The following NDUFAF6 variants were observed in gnomAD, a reference collection of about 807,000 sequenced individuals.
NDUFAF6 encodes the protein NADH dehydrogenase (ubiquinone) complex I, assembly factor 6.
In NDUFAF6, 45 loss-of-function variants were observed where a neutral mutation model predicts 40.8. The ratio of observed to expected loss-of-function variants is 1.10; its 90% CI spans 0.87 to 1.42. The LOEUF (loss-of-function observed/expected upper bound fraction) is 1.42, where lower values mean the gene tolerates loss of function less well. NDUFAF6 is among the 40% of genes most tolerant of loss of function. The probability of loss-of-function intolerance (pLI) is 0.00; values close to 1 mark genes in which losing one functional copy is unlikely to be tolerated. For synonymous variants in NDUFAF6, 185 were observed against 155.9 expected (o/e 1.19, Z -1.39); for missense variants, 435 against 418.5 (o/e 1.04, Z -0.34).
intron 2 of NDUFAF6, chr8:94,950,674 C>T (rs1352837428): frequency 6.6e-6 from 1 of 152,190 alleles, no homozygotes; most frequent in African/African-American, 2.4e-5. Context: ...CAGACTTGAA[C>T]ATGCTTTGGA....
chr8:94,910,587 C>T (rs1563701687), intron 1 of NDUFAF6, among the ~76,000 whole-genome samples: 1 of 151,472 alleles, frequency 6.6e-6, no homozygotes, highest in Non-Finnish European at 1.5e-5. Flanking sequence ...AGAATCTTGC[C>T]TTCTGTCCAG....
intron 1 of NDUFAF6, among the ~76,000 whole-genome samples, chr8:94,917,110 CAAAAA>C (rs35834003): frequency 1.1e-5 from 1 of 89,572 alleles, no homozygotes; most frequent in African/African-American, 4.3e-5. Flanking sequence ...GACTCCATCT[CAAAAA>C]AAAAAAAAAA....
intron 2 of NDUFAF6, among the ~76,000 whole-genome samples, chr8:95,084,453 CT>C (rs1193716324): frequency 6.6e-6 from 1 of 152,076 alleles, no homozygotes; most frequent in Non-Finnish European, 1.5e-5. Context: ...AAACTTAGTG[CT>C]TTGTTTAAGT....
chr8:95,012,774 T>A (rs1243309359), intron 2 of NDUFAF6, among the ~76,000 whole-genome samples: 1 of 152,100 alleles, frequency 6.6e-6, no homozygotes, highest in Non-Finnish European at 1.5e-5. Flanking sequence ...CAATAAGTTA[T>A]GATCGCGCCA....
intron 1 of NDUFAF6, among the ~76,000 whole-genome samples, chr8:95,027,542 T>C (rs1828302094): frequency 1.4e-5 from 2 of 146,400 alleles, no homozygotes; most frequent in African/African-American, 5.1e-5. Context: ...ATCTTGCCAC[T>C]GCACTCCAGC....
At chr8:94,944,037 G>A (rs1236235621) in intron 1 of NDUFAF6, among the ~76,000 whole-genome samples, 1 of 152,214 alleles carries the variant, frequency 6.6e-6, no homozygotes, top group Non-Finnish European at 1.5e-5. Flanking sequence ...GAGGATACAT[G>A]CTTAGAGGGA....
chr8:95,059,814 A>G (rs372903070), downstream of NDUFAF6, among the ~76,000 whole-genome samples: 7 of 152,262 alleles, frequency 4.6e-5, no homozygotes, highest in East Asian at 1.4e-3. Flanking sequence ...GTGCCACTGC[A>G]CTCAAGCCTG....
chr8:95,001,930 G>A (rs1238975113), intron 2 of NDUFAF6, among the ~76,000 whole-genome samples: 1 of 152,188 alleles, frequency 6.6e-6, no homozygotes, highest in African/African-American at 2.4e-5. Context: ...AAGCTTCATG[G>A]AACATTCTTT....
At position 95,034,910 on chromosome 8, in the gene NDUFAF6, G is replaced by A. The variant is rs565428220; in HGVS notation, c.298-544G>A. 6.7e-5 allele frequency among the ~76,000 whole-genome samples: 10 copies of A among 150,114 alleles called. No homozygotes were observed. The South Asian group carries it at 1.9e-3, about 28-fold the overall frequency. ...TTTTTTTTTTTTTAGATGGAGTTTC[G>A]CTCTTGTCGCCCAGGCTAGAGTGTG... On this transcript the variant is annotated intron_variant, in intron 2 of 8. Transcript: ENST00000396124.
At chr8:94,975,981 C>T (rs6983948) in intron 1 of NDUFAF6, 69,970 of 147,538 alleles carry the variant, frequency 0.47, 15,638 homozygotes, top group East Asian at 0.66. Flanking sequence ...GAGGCAGAGG[C>T]AGGTGGATCA....
upstream of NDUFAF6, among the ~76,000 whole-genome samples, chr8:95,024,446 CT>C (rs1197397887): frequency 6.6e-6 from 1 of 152,212 alleles, no homozygotes; most frequent in Non-Finnish European, 1.5e-5. Flanking sequence ...GATGTGTGTG[CT>C]TTTCTGCTGG....
intron 1 of NDUFAF6, among the ~76,000 whole-genome samples, chr8:94,980,497 G>A (rs1338814910): frequency 1.4e-5 from 2 of 143,304 alleles, no homozygotes; most frequent in Non-Finnish European, 1.5e-5. Context: ...GAACTGGAGT[G>A]CAGTGGTGTG....
At chr8:94,985,618 C>T (rs1825841103) in intron 2 of NDUFAF6, among the ~76,000 whole-genome samples, 1 of 139,242 alleles carries the variant, frequency 7.2e-6, no homozygotes. Context: ...TCACTGCAAC[C>T]TCCGCCTCCC....
Position 95,014,996 on chromosome 8 carries a change from C to T in NDUFAF6, c.-83-16999C>T, listed in dbSNP as rs1229130798. Among the ~76,000 whole-genome samples the T allele has an allele frequency of 2.0e-5, 3 of 152,314 alleles. No homozygotes were observed. In the East Asian group the frequency reaches 5.8e-4, roughly 29 times the overall value. ...GGCTTCCTCAGGTCATGTGTCAACA[C>T]CTGCAGTAATCAATGATAATTTCTA... On this transcript the variant is annotated intron_variant, in intron 2 of 9. Transcript: ENST00000396111.
At chr8:94,964,300 A>T (rs1387408077) in intron 1 of NDUFAF6, among the ~76,000 whole-genome samples, 1 of 151,988 alleles carries the variant, frequency 6.6e-6, no homozygotes, top group Non-Finnish European at 1.5e-5. Flanking sequence ...ATGATGGCAC[A>T]TGCCTGTAGT....
At chr8:95,070,354 A>G (rs993127469) in intron 9 of NDUFAF6, among the ~76,000 whole-genome samples, 17 of 152,212 alleles carry the variant, frequency 1.1e-4, no homozygotes, top group Admixed American at 3.9e-4. Flanking sequence ...CTAAGTGTAC[A>G]TATGTGTTTG....
intron 1 of NDUFAF6, among the ~76,000 whole-genome samples, chr8:94,972,055 T>C (rs916767667): frequency 6.6e-5 from 10 of 152,232 alleles, no homozygotes; most frequent in African/African-American, 2.2e-4. Flanking sequence ...CCATCTTGCT[T>C]CCTTTACCTA....
intron 1 of NDUFAF6, among the ~76,000 whole-genome samples, chr8:94,943,273 G>C (rs1225219651): frequency 6.6e-6 from 1 of 152,164 alleles, no homozygotes; most frequent in African/African-American, 2.4e-5. Flanking sequence ...AGGAATGCTT[G>C]AGCCTAGGAG....
rs1199747977 is a variant in NDUFAF6, at chr8:95,088,715, GTGTGTGTGTGTGTTTTCTTTT to G, written n.214-12413_214-12393del. On this transcript the variant is annotated intron_variant and non_coding_transcript_variant, in intron 2 of 5. Coordinates refer to the NDUFAF6 transcript ENST00000523184. ...TGTGTGTGTGTGTGTGTGTGTGTGT[GTGTGTGTGTGTGTTTTCTTTT>G]TGTTTTCTTGTTTTTATTTTATTTT... Among the ~76,000 whole-genome samples the G allele has an allele frequency of 8.7e-4, 88 of 101,214 alleles. 1 individual carries two copies. Among genetic ancestry groups the G allele is most frequent in the Middle Eastern group, 5.6e-3 (1 of 180 alleles). 66.4% of individuals were successfully genotyped at this position (101,214 alleles called of 152,430 possible). A position where few individuals can be genotyped will look rare whatever the true frequency, so the allele number is the denominator to read the frequency against.
Sources: gnomAD v4.1 joint callset for allele counts (sites outside exome capture counted in the v4.1 genomes callset) on GRCh38, gnomAD v4.1.1 for gene constraint, MANE v1.5 for transcripts, NCBI Gene and HGNC (gene_info 2026-07-23, HGNC 2026-07-21) for gene names.